The following ZBTB16 variants were observed in gnomAD, a reference collection of about 807,000 sequenced individuals.
The protein encoded by ZBTB16 is zinc finger and BTB domain containing 16.
In ZBTB16, 8 loss-of-function variants were observed where a neutral mutation model predicts 56.8. The observed-to-expected ratio is 0.14, with a 90% CI of 0.08 to 0.25. ZBTB16 has a LOEUF of 0.25. ZBTB16 is among the 10% of genes least tolerant of loss of function. The pLI, the probability that ZBTB16 is intolerant of heterozygous loss-of-function variation, is 1.00. For missense variants in ZBTB16, 625 were observed against 903.0 expected (o/e 0.69, Z 3.95); for synonymous variants, 363 against 368.5 (o/e 0.98, Z 0.17).
intron 4 of ZBTB16, among the ~76,000 whole-genome samples, chr11:114,237,537 GC>G (rs895176015): frequency 4.6e-5 from 7 of 152,160 alleles, no homozygotes; most frequent in African/African-American, 7.2e-5. Flanking sequence ...GTGCTGCCGG[GC>G]CCCCCTGCCC....
At chr11:114,167,931 T>C (rs1280255222) in intron 3 of ZBTB16, among the ~76,000 whole-genome samples, 1 of 152,180 alleles carries the variant, frequency 6.6e-6, no homozygotes, top group East Asian at 1.9e-4. Context: ...TCTTCTCTTT[T>C]GAAAAGTCAG....
At chr11:114,132,684 A>T (rs928521987) in intron 2 of ZBTB16, among the ~76,000 whole-genome samples, 8 of 152,222 alleles carry the variant, frequency 5.3e-5, no homozygotes, top group Non-Finnish European at 8.8e-5. Context: ...CGGCAATACC[A>T]TTTATAAACC....
At chr11:114,088,608 C>A (rs987680434) in intron 2 of ZBTB16, among the ~76,000 whole-genome samples, 1 of 152,138 alleles carries the variant, frequency 6.6e-6, no homozygotes, top group Non-Finnish European at 1.5e-5. Flanking sequence ...CTCTTGCTGG[C>A]TTAGGAACAG....
intron 2 of ZBTB16, among the ~76,000 whole-genome samples, chr11:114,104,959 G>A (rs942815278): frequency 2.0e-5 from 3 of 152,096 alleles, no homozygotes; most frequent in Non-Finnish European, 4.4e-5. Context: ...CACACAGGCC[G>A]TGGTACTTGC....
At chr11:114,156,938 C>T (rs966721409) in intron 3 of ZBTB16, among the ~76,000 whole-genome samples, 3 of 152,072 alleles carry the variant, frequency 2.0e-5, no homozygotes, top group African/African-American at 7.2e-5. Flanking sequence ...TGCTCTGCCC[C>T]ACGAGGCGTG....
intron 4 of ZBTB16, among the ~76,000 whole-genome samples, chr11:114,226,025 G>T (rs1439800182): frequency 6.6e-6 from 1 of 152,158 alleles, no homozygotes; most frequent in Non-Finnish European, 1.5e-5. Flanking sequence ...TTGAACCCAG[G>T]TGTGGTCTGA....
Position 114,255,281 on chromosome 11 carries a change from C to T in ZBTB16, c.*4726C>T, listed in dbSNP as rs1944981398. On this transcript the variant is annotated 3_prime_UTR_variant, in exon 7 of 7. Transcript: ENST00000335953. ...GTGCCAGTCGGATTGCTCTGTATTA[C>T]AGAATAGTGTTTTTAATTCATCAAT... Among the ~76,000 whole-genome samples the T allele has an allele frequency of 6.6e-6, 1 of 152,186 alleles. No individual in the cohort carries two copies. The highest frequency in any genetic ancestry group is 1.5e-5 in the Non-Finnish European group (1 of 68,034).
chr11:114,142,116 G>A (rs1170409714), intron 2 of ZBTB16, among the ~76,000 whole-genome samples: 3 of 152,208 alleles, frequency 2.0e-5, no homozygotes, highest in Non-Finnish European at 4.4e-5. Flanking sequence ...CAAATGCTCA[G>A]TGTGATGTTG....
chr11:114,101,783 T>C (rs1940616097), intron 2 of ZBTB16, among the ~76,000 whole-genome samples: 1 of 152,264 alleles, frequency 6.6e-6, no homozygotes, highest in South Asian at 2.1e-4. Flanking sequence ...ATTTTCTTTT[T>C]GAGAGCTGAA....
Position 114,064,640 on chromosome 11 carries a change from G to T in ZBTB16, c.1268+72G>T. 6.4e-7 allele frequency: 1 copy of T among 1,569,284 alleles called. No individual in the cohort carries two copies. Among genetic ancestry groups the T allele is most frequent in the Non-Finnish European group, 8.7e-7 (1 of 1,154,610 alleles). ...CACACCCCTCCTTCACACCCTGGCT[G>T]CTCCCAAGTTAGGGGCCTGGCTCCC... On this transcript the variant is annotated intron_variant, in intron 2 of 6. Transcript: ENST00000335953. The surrounding 1 kb of genome is among the most constrained non-coding windows in gnomAD (Gnocchi z 4.2).
chr11:114,208,623 G>A (rs753196076), intron 4 of ZBTB16, among the ~76,000 whole-genome samples: 13 of 152,172 alleles, frequency 8.5e-5, no homozygotes, highest in Non-Finnish European at 1.9e-4. Context: ...ATGCACCCCA[G>A]TCTGTGCCCT....
At chr11:114,123,141 A>C (rs79442268) in intron 2 of ZBTB16, among the ~76,000 whole-genome samples, 3 of 152,158 alleles carry the variant, frequency 2.0e-5, no homozygotes, top group Non-Finnish European at 4.4e-5. Context: ...TTAGGACCGC[A>C]TTTAACCTTA....
At chr11:114,089,305 G>A (rs2137720422) in intron 2 of ZBTB16, among the ~76,000 whole-genome samples, 1 of 152,308 alleles carries the variant, frequency 6.6e-6, no homozygotes, top group Non-Finnish European at 1.5e-5. Context: ...ATCTCTTGCT[G>A]GCTTAGGCTT....
At chr11:114,098,330 T>C (rs1940491015) in intron 2 of ZBTB16, among the ~76,000 whole-genome samples, 1 of 152,140 alleles carries the variant, frequency 6.6e-6, no homozygotes, top group South Asian at 2.1e-4. Flanking sequence ...GGGCGCACTA[T>C]ATATATAGTA....
chr11:114,068,127 T>C (rs1381418241), intron 2 of ZBTB16, among the ~76,000 whole-genome samples: 1 of 148,692 alleles, frequency 6.7e-6, no homozygotes, highest in Non-Finnish European at 1.5e-5. Context: ...ACTGGAAATA[T>C]ATCAGTGATA....
intron 4 of ZBTB16, among the ~76,000 whole-genome samples, chr11:114,238,107 C>T (rs1021476279): frequency 6.6e-6 from 1 of 152,198 alleles, no homozygotes; most frequent in Non-Finnish European, 1.5e-5. Context: ...TTGCGTGCCA[C>T]TCCTCCCTTG....
intron 2 of ZBTB16, among the ~76,000 whole-genome samples, chr11:114,101,480 T>A (rs750777021): frequency 1.3e-5 from 2 of 152,106 alleles, no homozygotes; most frequent in African/African-American, 2.4e-5. Context: ...TTTAACCAGG[T>A]TTTTTGTGAA....
Position 114,251,063 on chromosome 11 carries a change from C to T in ZBTB16, c.*508C>T, listed in dbSNP as rs1008810810. On this transcript the variant is annotated 3_prime_UTR_variant, in exon 7 of 7. Coordinates refer to ENST00000335953, the MANE Select transcript of ZBTB16 (RefSeq NM_006006.6). Reference sequence around the variant, plus strand: ...CAAAATGGCAGCTCTAGTTTGCTGGCGGCTGACTGGGGAGGAGAAGGGCTC... The same window carrying T: ...CAAAATGGCAGCTCTAGTTTGCTGGTGGCTGACTGGGGAGGAGAAGGGCTC... Among the ~76,000 whole-genome samples, 5 of 152,234 alleles carry T rather than the reference C, an allele frequency of 3.3e-5. No homozygotes were observed. Among genetic ancestry groups the T allele is most frequent in the South Asian group, 2.1e-4 (1 of 4,812 alleles).
At chr11:114,148,336 G>GCTTC (rs1202157247) in intron 2 of ZBTB16, among the ~76,000 whole-genome samples, 3,362 of 52,014 alleles carry the variant, frequency 0.065, 136 homozygotes, top group East Asian at 0.23. Context: ...TGGCTGGCTG[G>GCTTC]CTTCCTTCCT....
Sources: allele counts gnomAD v4.1 joint callset (sites outside exome capture counted in the v4.1 genomes callset), GRCh38; gene constraint gnomAD v4.1.1; non-coding constraint Gnocchi (gnomAD v3.1); transcripts MANE v1.5; gene names NCBI Gene and HGNC (gene_info 2026-07-23, HGNC 2026-07-21).